FBXL17: variants seen among roughly 807,000 people sequenced by gnomAD.
FBXL17 encodes the protein F-box/LRR-repeat protein 17.
Under a neutral mutation model 66.2 loss-of-function variants are expected in FBXL17, and 22 were observed. The ratio of observed to expected loss-of-function variants is 0.33; its 90% CI spans 0.24 to 0.47. FBXL17 has a LOEUF of 0.47. FBXL17 is among the 20% of genes least tolerant of loss of function. The probability of loss-of-function intolerance (pLI) is 1.00; values close to 1 mark genes in which losing one functional copy is unlikely to be tolerated. For synonymous variants in FBXL17, 474 were observed against 400.5 expected, an observed-to-expected ratio of 1.18 and a Z score of -2.19; for missense variants, 878 against 948.2, an observed-to-expected ratio of 0.93 and a Z score of 0.97.
chr5:108,300,995 C>T (rs1758565672), intron 4 of FBXL17, among the ~76,000 whole-genome samples: 1 of 151,650 alleles, frequency 6.6e-6, no homozygotes, highest in Admixed American at 6.6e-5. Flanking sequence ...ATATAGTATA[C>T]ATATACATGT....
chr5:108,009,294 T>TAG (rs1451083581), intron 7 of FBXL17, among the ~76,000 whole-genome samples: 1 of 68,496 alleles, frequency 1.5e-5, no homozygotes, highest in African/African-American at 7.3e-5. Flanking sequence ...TATATATATA[T>TAG]ATATATACAT....
chr5:108,173,865 A>G (rs1156378596), intron 6 of FBXL17, among the ~76,000 whole-genome samples: 1 of 152,216 alleles, frequency 6.6e-6, no homozygotes, highest in Non-Finnish European at 1.5e-5. Context: ...CTTCATAGAG[A>G]AACAGCTGGA....
At chr5:108,317,065 A>C (rs1759398218) in intron 4 of FBXL17, among the ~76,000 whole-genome samples, 1 of 151,242 alleles carries the variant, frequency 6.6e-6, no homozygotes, top group African/African-American at 2.4e-5. Context: ...TCTAGTTCTG[A>C]GTTATACCAC....
intron 6 of FBXL17, among the ~76,000 whole-genome samples, chr5:108,080,088 T>C (rs1025127062): frequency 6.6e-6 from 1 of 152,204 alleles, no homozygotes; most frequent in African/African-American, 2.4e-5. Context: ...ATTTATTCAG[T>C]GTATCCCTGT....
intron 7 of FBXL17, among the ~76,000 whole-genome samples, chr5:107,992,088 TTGTGTGTGTGTG>T (rs3039988): frequency 6.7e-6 from 1 of 149,132 alleles, no homozygotes. Context: ...ATCATATTAA[TTGTGTGTGTGTG>T]TGTGTGTGTG....
chr5:107,899,939 C>T (rs1475580865), intron 7 of FBXL17, among the ~76,000 whole-genome samples: 1 of 152,040 alleles, frequency 6.6e-6, no homozygotes, highest in African/African-American at 2.4e-5. Flanking sequence ...CTTGTACCCC[C>T]TAAATATTAA....
intron 7 of FBXL17, among the ~76,000 whole-genome samples, chr5:107,913,466 G>C (rs558357184): frequency 2.1e-4 from 32 of 152,226 alleles, no homozygotes; most frequent in African/African-American, 7.5e-4. Flanking sequence ...AAGAGACAGT[G>C]GTGATGTGGA....
intron 5 of FBXL17, among the ~76,000 whole-genome samples, chr5:108,190,493 T>C (rs1047655613): frequency 2.0e-5 from 3 of 152,216 alleles, no homozygotes; most frequent in Non-Finnish European, 2.9e-5. Flanking sequence ...GGAAACACTT[T>C]ATGAAAATAC....
intron 7 of FBXL17, among the ~76,000 whole-genome samples, chr5:107,932,910 C>A (rs1280700765): frequency 1.3e-5 from 2 of 151,748 alleles, no homozygotes; most frequent in Non-Finnish European, 2.9e-5. Context: ...TGGATATAAA[C>A]TAGGAAATTT....
intron 4 of FBXL17, among the ~76,000 whole-genome samples, chr5:108,249,885 T>A (rs2150111723): frequency 6.6e-6 from 1 of 152,190 alleles, no homozygotes; most frequent in African/African-American, 2.4e-5. Context: ...GAACTCCTCT[T>A]CCCTTTATCC....
At chr5:108,090,479 T>A (rs1196674242) in intron 6 of FBXL17, among the ~76,000 whole-genome samples, 1 of 152,178 alleles carries the variant, frequency 6.6e-6, no homozygotes, top group Non-Finnish European at 1.5e-5. Context: ...TGGCAAATTT[T>A]TTCTGTAAAA....
intron 6 of FBXL17, among the ~76,000 whole-genome samples, chr5:108,079,156 CT>C (rs200371861): frequency 2.1e-3 from 296 of 139,682 alleles, no homozygotes; most frequent in Admixed American, 2.2e-3. Flanking sequence ...ACCTCTCTTT[CT>C]TTTTTTTTTT....
chr5:108,164,200 A>C (rs1242531912), intron 6 of FBXL17, among the ~76,000 whole-genome samples: 2 of 152,232 alleles, frequency 1.3e-5, no homozygotes, highest in African/African-American at 4.8e-5. Context: ...GCACATAATT[A>C]ATTTATTATC....
At chr5:108,114,339 T>C (rs555807253) in intron 6 of FBXL17, among the ~76,000 whole-genome samples, 32 of 152,324 alleles carry the variant, frequency 2.1e-4, no homozygotes, top group South Asian at 1.9e-3. Context: ...CTATAAGTTG[T>C]CTCTTGTTTC....
chr5:108,242,817 A>G (rs1755921456), intron 4 of FBXL17, among the ~76,000 whole-genome samples: 2 of 152,174 alleles, frequency 1.3e-5, no homozygotes, highest in South Asian at 2.1e-4. Context: ...TACCATTATT[A>G]TATCTAAAAA....
intron 4 of FBXL17, among the ~76,000 whole-genome samples, chr5:108,224,919 C>CGA (rs1368545520): frequency 6.6e-6 from 1 of 152,108 alleles, no homozygotes; most frequent in Non-Finnish European, 1.5e-5. Context: ...TAAGCAATCA[C>CGA]ACCCAACCAA....
At chr5:108,349,032 C>T (rs1393656806) in intron 3 of FBXL17, among the ~76,000 whole-genome samples, 1 of 152,152 alleles carries the variant, frequency 6.6e-6, no homozygotes, top group Non-Finnish European at 1.5e-5. Context: ...TCTCAAACTC[C>T]TGGCCTCGAG....
At chr5:108,372,776 T>C (rs1375656492) in intron 1 of FBXL17, among the ~76,000 whole-genome samples, 1 of 151,984 alleles carries the variant, frequency 6.6e-6, no homozygotes, top group South Asian at 2.1e-4. Context: ...CTATAAAGAG[T>C]CCATCAGGCT....
intron 7 of FBXL17, among the ~76,000 whole-genome samples, chr5:108,009,306 T>TATATATATATATATATATAC (rs1561365393): frequency 5.7e-5 from 1 of 17,442 alleles, no homozygotes; most frequent in African/African-American, 2.5e-4. Context: ...TATATACATA[T>TATATATATATATATATATAC]ATACATACAC....
Sources: allele counts gnomAD v4.1 joint callset (sites outside exome capture counted in the v4.1 genomes callset), GRCh38; gene constraint gnomAD v4.1.1; transcripts MANE v1.5; gene names NCBI Gene and HGNC (gene_info 2026-07-23, HGNC 2026-07-21).